Variants in EVPLL observed in about 807,000 individuals in gnomAD.
EVPLL encodes envoplakin-like protein.
Under a neutral mutation model 46.2 loss-of-function variants are expected in EVPLL, and 39 were observed. That is an observed-to-expected ratio of 0.84 (90% CI 0.65 to 1.10). The LOEUF (loss-of-function observed/expected upper bound fraction) is 1.10. Among genes scored for constraint, EVPLL ranks in the 50% least tolerant of loss-of-function variants. The pLI is 0.00. For missense variants in EVPLL, 385 were observed against 412.6 expected (o/e 0.93, Z 0.58); for synonymous variants, 156 against 165.8 (o/e 0.94, Z 0.46).
At chr17:18,380,002 A>G (rs892990589) in intron 1 of EVPLL, 1 of 152,228 alleles carries the variant, frequency 6.6e-6, no homozygotes, top group African/African-American at 2.4e-5. Context: ...GTTCTTCCAG[A>G]CTGCTGTGCC....
At chr17:18,385,835 A>G (rs1289309373) in intron 9 of EVPLL, among the ~76,000 whole-genome samples, 1 of 152,242 alleles carries the variant, frequency 6.6e-6, no homozygotes, top group East Asian at 1.9e-4. Context: ...TAAGATAAAC[A>G]TATGATAATA....
rs1987583538 is a variant in EVPLL, at chr17:18,381,695, A to G, written c.311A>G (p.Gln104Arg). The G allele has an allele frequency of 6.2e-7, 1 of 1,614,180 alleles. No homozygotes were observed. Among genetic ancestry groups the G allele is most frequent in the South Asian group, 1.1e-5 (1 of 91,084 alleles). The change falls in exon 4 of 11, where the codon CAA becomes CGA. Residue 104 changes from glutamine to arginine, a missense_variant. Physicochemically the swap from Gln to Arg is conservative, Grantham distance 43 (BLOSUM62 1). Transcript: ENST00000399134. This position sits in a 1 kb window ranked among gnomAD's most constrained non-coding sequence, Gnocchi z 4.2. ...KMVLPPRRGI[Q>R]GRLGTRAGAE... ...GTGCTGCCGCCCCGACGTGGGATCC[A>G]AGGTCGACTGGGCACACGTGCTGGA...
Position 18,381,633 on chromosome 17 carries a change from G to A in EVPLL, c.249G>A (p.Gln83=). The stretch of plus-strand genomic sequence containing the variant: ...AGCAGCTGCACGAGCGGGTGACCCA[G>A]GAGTGTGCGGAGTACTGTGCCCTGT... ...DIEQLHERVT[Q]ECAEYCALYE... The change falls in exon 4 of 11, where the codon CAG becomes CAA. Residue 83 remains glutamine, a synonymous_variant. Coordinates refer to ENST00000399134, the MANE Select transcript of EVPLL (RefSeq NM_001145127.2). This position sits in a 1 kb window ranked among gnomAD's most constrained non-coding sequence, Gnocchi z 4.2. 3 of 1,614,194 alleles carry A rather than the reference G, an allele frequency of 1.9e-6. No individual in the cohort carries two copies. Among genetic ancestry groups the A allele is most frequent in the African/African-American group, 1.3e-5 (1 of 75,062 alleles).
rs2151632891 is a variant in EVPLL at position 18,387,612 on chromosome 17, C to T, written c.877-607C>T. ...GGGAGGAACTGTGGCTCCAATAAACCTTTATTCACAGTAGGAGGGGGGCTT... is the reference window on the plus strand; with the variant it reads ...GGGAGGAACTGTGGCTCCAATAAACTTTTATTCACAGTAGGAGGGGGGCTT... On this transcript the variant is annotated intron_variant, in intron 9 of 10. Coordinates refer to ENST00000399134, the MANE Select transcript of EVPLL (RefSeq NM_001145127.2). Among the ~76,000 whole-genome samples, 2 of 151,446 alleles carry T rather than the reference C, an allele frequency of 1.3e-5. 1 individual carries two copies. Among genetic ancestry groups the T allele is most frequent in the South Asian group, 4.2e-4 (2 of 4,780 alleles).
In EVPLL at chr17:18,382,876, G is replaced by A. The variant is rs1987631440; in HGVS notation, c.511+12G>A. The A allele has an allele frequency of 5.6e-6, 9 of 1,612,500 alleles. No individual in the cohort carries two copies. The highest frequency in any genetic ancestry group is 6.8e-6 in the Non-Finnish European group (8 of 1,179,468). On this transcript the variant is annotated intron_variant, in intron 6 of 10. Coordinates refer to ENST00000399134, the MANE Select transcript of EVPLL (RefSeq NM_001145127.2). Reference sequence around the variant, plus strand: ...ACCGAGACCTACTGGTGAGCAGGAGGGAGGGTCGGGCAGGGTGGCTGCAGG... The same window carrying A: ...ACCGAGACCTACTGGTGAGCAGGAGAGAGGGTCGGGCAGGGTGGCTGCAGG...
chr17:18,388,597 C>T (rs151267573), intron 10 of EVPLL: 2,086 of 182,458 alleles, frequency 0.011, 48 homozygotes, highest in African/African-American at 0.046. Context: ...GTGGCACAAG[C>T]GTGAAGCTCA....
Position 18,382,873 on chromosome 17 carries a change from G to C in EVPLL, c.511+9G>C. The C allele has an allele frequency of 6.2e-7, 1 of 1,612,870 alleles. No homozygotes were observed. The highest frequency in any genetic ancestry group is 8.5e-7 in the Non-Finnish European group (1 of 1,179,552). ...AATACCGAGACCTACTGGTGAGCAG[G>C]AGGGAGGGTCGGGCAGGGTGGCTGC... is the stretch of plus-strand genomic sequence containing the variant. On this transcript the variant is annotated intron_variant, in intron 6 of 10. Transcript: ENST00000399134.
At chr17:18,379,676 T>G (rs1406865994) in intron 1 of EVPLL, among the ~76,000 whole-genome samples, 2 of 152,228 alleles carry the variant, frequency 1.3e-5, no homozygotes, top group African/African-American at 2.4e-5. Flanking sequence ...GAGCACTTAC[T>G]GCATGCCAGG....
intron 4 of EVPLL, 161 bp from the exon 5 acceptor site, chr17:18,382,352 G>A (rs1414096098): frequency 2.2e-6 from 2 of 915,072 alleles, no homozygotes; most frequent in Non-Finnish European, 3.2e-6. Flanking sequence ...GAGCAGAATG[G>A]CTCACCCTGG....
In EVPLL at chr17:18,377,785, T is replaced by G; in HGVS notation, c.-235T>G. On this transcript the variant is annotated 5_prime_UTR_variant, in exon 1 of 11. Transcript: ENST00000399134. ...GCCCAGCCGCCCCACCTTGCCAGACTTAGCTGACCAGCCAGCAAGGACGCC... is the reference window on the plus strand; with the variant it reads ...GCCCAGCCGCCCCACCTTGCCAGACGTAGCTGACCAGCCAGCAAGGACGCC... 1.8e-6 allele frequency: 1 copy of G among 561,334 alleles called. No homozygotes were observed. Among genetic ancestry groups the G allele is most frequent in the East Asian group, 4.0e-5 (1 of 24,928 alleles). 34.8% of individuals were successfully genotyped at this position (561,334 alleles called of 1,614,324 possible). A position where few individuals can be genotyped will look rare whatever the true frequency, so the allele number is the denominator to read the frequency against.
intron 4 of EVPLL, chr17:18,382,237 A>G: frequency 2.5e-6 from 1 of 398,342 alleles, no homozygotes; most frequent in South Asian, 2.6e-5. Flanking sequence ...TGGGTCACAG[A>G]CAAGGCAGGA....
Position 18,381,694 on chromosome 17 carries a change from C to G in EVPLL, c.310C>G (p.Gln104Glu), listed in dbSNP as rs139834668. 7.4e-6 allele frequency: 12 copies of G among 1,614,174 alleles called. No homozygotes were observed. The African/African-American group carries it at 1.1e-4, about 14-fold the overall frequency. The change falls in exon 4 of 11, where the codon CAA becomes GAA. Residue 104 changes from glutamine to glutamate, a missense_variant. Coordinates refer to ENST00000399134, the MANE Select transcript of EVPLL (RefSeq NM_001145127.2). This position sits in a 1 kb window ranked among gnomAD's most constrained non-coding sequence, Gnocchi z 4.2. ...KMVLPPRRGIQGRLGTRAGAE... is the reference protein window; with the variant it reads ...KMVLPPRRGIEGRLGTRAGAE... ...GGTGCTGCCGCCCCGACGTGGGATC[C>G]AAGGTCGACTGGGCACACGTGCTGG...
At chr17:18,378,286 C>A (rs1168256386) in intron 1 of EVPLL, among the ~76,000 whole-genome samples, 3 of 152,360 alleles carry the variant, frequency 2.0e-5, no homozygotes, top group Middle Eastern at 6.8e-3. Flanking sequence ...GGAGCCTGCA[C>A]TGATGCCCTC....
rs754606884 is a variant in EVPLL at position 18,381,648 on chromosome 17, C to T, written c.264C>T (p.Tyr88=). ...HERVTQECAE[Y]CALYEKMVLP... is the part of the protein sequence containing the mutation. ...GGGTGACCCAGGAGTGTGCGGAGTA[C>T]TGTGCCCTGTACGAGAAGATGGTGC... The change falls in exon 4 of 11, where the codon TAC becomes TAT. Residue 88 remains tyrosine (Y), a synonymous_variant. Coordinates refer to ENST00000399134, the MANE Select transcript of EVPLL (RefSeq NM_001145127.2). The surrounding 1 kb of genome is among the most constrained non-coding windows in gnomAD (Gnocchi z 4.2). 2 of 1,614,206 alleles carry T rather than the reference C, an allele frequency of 1.2e-6. No homozygotes were observed. Among genetic ancestry groups the T allele is most frequent in the East Asian group, 2.2e-5 (1 of 44,876 alleles).
chr17:18,382,022 G>T (rs1227010876), intron 4 of EVPLL: 29 of 477,302 alleles, frequency 6.1e-5, no homozygotes, highest in East Asian at 2.3e-4. Flanking sequence ...CCTAGGATTC[G>T]ATGGGAAGTG....
rs1987609903 is a variant in EVPLL, at chr17:18,382,447, G to T, written c.347-66G>T. 3 of 1,541,144 alleles carry T rather than the reference G, an allele frequency of 1.9e-6. No homozygotes were observed. The Admixed American group carries it at 5.9e-5, about 31-fold the overall frequency. On this transcript the variant is annotated intron_variant, in intron 4 of 10. Transcript: ENST00000399134. ...ACCAAGTCCACTTCTCCGGGTGGGA[G>T]ACGTGTGGGGTTCTCTGGCTCTCCA...
chr17:18,382,361 G>T, intron 4 of EVPLL, 152 bp from the exon 5 acceptor site: 4 of 1,034,582 alleles, frequency 3.9e-6, no homozygotes, highest in Non-Finnish European at 2.7e-6. Context: ...GGCTCACCCT[G>T]GGTGAGCTGC....
chr17:18,385,707 C>T (rs1035567548), intron 9 of EVPLL, among the ~76,000 whole-genome samples: 3 of 152,038 alleles, frequency 2.0e-5, no homozygotes, highest in African/African-American at 7.3e-5. Flanking sequence ...TCAAGATTCC[C>T]TGGACCACAG....
In EVPLL at chr17:18,382,310, T is replaced by G. The variant is rs1000569900; in HGVS notation, c.347-203T>G. 17 of 523,694 alleles carry G rather than the reference T, an allele frequency of 3.2e-5. No homozygotes were observed. In the African/African-American group the frequency reaches 3.3e-4, roughly 10 times the overall value. The allele number at this position is 523,694 out of a possible 1,614,324, so 32.4% of individuals were successfully genotyped here. On this transcript the variant is annotated intron_variant, in intron 4 of 10. Transcript: ENST00000399134. ...GGAACCAGTGGGACTCAGGGGCCAC[T>G]GCAGAATGGCCTCTGCAGTGGCCAC...
Sources: allele counts gnomAD v4.1 joint callset (sites outside exome capture counted in the v4.1 genomes callset), GRCh38; gene constraint gnomAD v4.1.1; non-coding constraint Gnocchi (gnomAD v3.1); transcripts MANE v1.5; gene names NCBI Gene and HGNC (gene_info 2026-07-23, HGNC 2026-07-21).